TTLL5: variants seen among roughly 807,000 people sequenced by gnomAD.
TTLL5 encodes tubulin tyrosine ligase like 5, also known as tubulin polyglutamylase TTLL5.
In TTLL5, 132 loss-of-function variants were observed where a neutral mutation model predicts 168.4. That is an observed-to-expected ratio of 0.78 (90% CI 0.68 to 0.91). The LOEUF (loss-of-function observed/expected upper bound fraction) is 0.91, where lower values mean the gene tolerates loss of function less well. TTLL5 is among the 40% of genes least tolerant of loss of function. The probability of loss-of-function intolerance (pLI) is 0.00; values close to 1 mark genes in which losing one functional copy is unlikely to be tolerated. For missense variants in TTLL5, 1,545 were observed against 1,581.5 expected (o/e 0.98, Z 0.39); for synonymous variants, 546 against 558.6 (o/e 0.98, Z 0.32).
chr14:75,748,291 A>G (rs1437364749), intron 17 of TTLL5, among the ~76,000 whole-genome samples: 1 of 152,052 alleles, frequency 6.6e-6, no homozygotes, highest in African/African-American at 2.4e-5. Context: ...TAAAAAAAAA[A>G]AAAAAAAAGA....
intron 6 of TTLL5, among the ~76,000 whole-genome samples, chr14:75,694,932 C>T (rs563247382): frequency 3.8e-4 from 58 of 152,156 alleles, no homozygotes; most frequent in East Asian, 1.5e-3. Flanking sequence ...GTGATAATTG[C>T]GTTAACTGCA....
At chr14:75,888,363 C>T (rs1308303312) in intron 30 of TTLL5, among the ~76,000 whole-genome samples, 1 of 152,188 alleles carries the variant, frequency 6.6e-6, no homozygotes, top group Non-Finnish European at 1.5e-5. Flanking sequence ...ACTTCTCATG[C>T]CTGCCTCCTG....
intron 3 of TTLL5, among the ~76,000 whole-genome samples, chr14:75,673,680 T>C (rs1883920796): frequency 6.6e-6 from 1 of 152,250 alleles, no homozygotes; most frequent in Admixed American, 6.5e-5. Context: ...AAACTTGTGC[T>C]GCTTATTTTA....
chr14:75,706,297 C>T (rs1473655952), intron 7 of TTLL5, among the ~76,000 whole-genome samples: 1 of 152,178 alleles, frequency 6.6e-6, no homozygotes. Flanking sequence ...TGTTCCTCTA[C>T]CTAAATATTA....
chr14:75,764,808 C>T, intron 19 of TTLL5, 36 bp downstream of exon 19: 1 of 1,612,516 alleles, frequency 6.2e-7, no homozygotes, highest in Non-Finnish European at 8.5e-7. Flanking sequence ...ACTCCCTTAT[C>T]TGGATCCTGC....
chr14:75,765,810 C>G (rs778844104), intron 19 of TTLL5, among the ~76,000 whole-genome samples: 82 of 151,974 alleles, frequency 5.4e-4, no homozygotes, highest in Non-Finnish European at 2.1e-4. Context: ...TGTAATGAGC[C>G]GAGATCCTGC....
At position 75,681,355 on chromosome 14, in the gene TTLL5, A is replaced by T. The variant is rs76675378; in HGVS notation, c.182-190A>T. The stretch of plus-strand genomic sequence containing the variant: ...AAAACCAAGGTGTAATTTTTCCCCC[A>T]TCTATGTCTAATGACCTCCAAAGAG... On this transcript the variant is annotated intron_variant, in intron 3 of 31. Transcript: ENST00000298832. Among the ~76,000 whole-genome samples, 496 of 152,288 alleles carry T rather than the reference A, an allele frequency of 3.3e-3. 2 individuals carry two copies. The highest frequency in any genetic ancestry group is 0.011 in the African/African-American group (465 of 41,570).
chr14:75,914,033 A>ATATATAT (rs1555356334), intron 31 of TTLL5, among the ~76,000 whole-genome samples: 9 of 71,102 alleles, frequency 1.3e-4, no homozygotes, highest in African/African-American at 1.2e-3. Flanking sequence ...AAAAAAAAAA[A>ATATATAT]ATATATATAT....
At chr14:75,851,760 A>C (rs2360038) in intron 28 of TTLL5, among the ~76,000 whole-genome samples, 5 of 152,146 alleles carry the variant, frequency 3.3e-5, no homozygotes, top group African/African-American at 1.2e-4. Context: ...TTTGGATCCA[A>C]TAGTTTGGCT....
chr14:75,723,035 G>A (rs1887942602), intron 12 of TTLL5, among the ~76,000 whole-genome samples: 1 of 152,106 alleles, frequency 6.6e-6, no homozygotes, highest in Non-Finnish European at 1.5e-5. Context: ...TGGTAGTCAT[G>A]TGTATATTTG....
At chr14:75,826,359 G>T (rs916394601) in intron 28 of TTLL5, among the ~76,000 whole-genome samples, 47 of 150,250 alleles carry the variant, frequency 3.1e-4, no homozygotes, top group African/African-American at 1.1e-3. Flanking sequence ...CAAAACCTAT[G>T]TGAATATACT....
At chr14:75,874,714 A>G (rs990302511) in intron 29 of TTLL5, among the ~76,000 whole-genome samples, 1 of 152,192 alleles carries the variant, frequency 6.6e-6, no homozygotes, top group African/African-American at 2.4e-5. Flanking sequence ...ATTTTAAGGA[A>G]ATGATCCAGC....
chr14:75,717,747 AT>A, intron 9 of TTLL5, 113 bp from the exon 10 acceptor site: 1 of 936,590 alleles, frequency 1.1e-6, no homozygotes, highest in Non-Finnish European at 1.6e-6. Flanking sequence ...GGCACTTGGT[AT>A]TTGTTAGGTA....
At chr14:75,831,241 G>A (rs540984425) in intron 28 of TTLL5, among the ~76,000 whole-genome samples, 1 of 152,276 alleles carries the variant, frequency 6.6e-6, no homozygotes, top group South Asian at 2.1e-4. Flanking sequence ...TCTTCTGTAG[G>A]TCTTGAGCTT....
chr14:75,689,131 C>T (rs368980092), intron 5 of TTLL5, among the ~76,000 whole-genome samples: 10 of 152,166 alleles, frequency 6.6e-5, no homozygotes, highest in East Asian at 3.9e-4. Flanking sequence ...CCAGTTGTCA[C>T]GTCATGAAGG....
At chr14:75,799,963 A>G (rs1432842806) in intron 27 of TTLL5, among the ~76,000 whole-genome samples, 1 of 152,176 alleles carries the variant, frequency 6.6e-6, no homozygotes, top group Admixed American at 6.5e-5. Context: ...TCTTTTTGCG[A>G]TGAATTTCCC....
intron 30 of TTLL5, among the ~76,000 whole-genome samples, chr14:75,898,376 T>C (rs969104952): frequency 6.6e-6 from 1 of 152,300 alleles, no homozygotes. Context: ...GTGCAGTGGC[T>C]TATATCTATA....
intron 31 of TTLL5, among the ~76,000 whole-genome samples, chr14:75,952,406 G>A (rs981391732): frequency 2.0e-5 from 3 of 152,256 alleles, no homozygotes; most frequent in African/African-American, 7.2e-5. Context: ...TTCATGCACT[G>A]TTGGGAGGGA....
intron 28 of TTLL5, among the ~76,000 whole-genome samples, chr14:75,837,855 ATGGGAGTGTGTG>A (rs1566625397): frequency 6.6e-6 from 1 of 152,140 alleles, no homozygotes; most frequent in East Asian, 1.9e-4. Flanking sequence ...GTGTGTGTGT[ATGGGAGTGTGTG>A]TGTGTATATA....
Sources: gnomAD v4.1 joint callset for allele counts (sites outside exome capture counted in the v4.1 genomes callset) on GRCh38, gnomAD v4.1.1 for gene constraint, MANE v1.5 for transcripts, NCBI Gene and HGNC (gene_info 2026-07-23, HGNC 2026-07-21) for gene names.